The following NDUFAF3 variants were observed in gnomAD, a reference collection of about 807,000 sequenced individuals.
The protein encoded by NDUFAF3 is NADH:ubiquinone oxidoreductase complex assembly factor 3.
Under a neutral mutation model 22.6 loss-of-function variants are expected in NDUFAF3, and 21 were observed. The observed-to-expected ratio is 0.93, with a 90% CI of 0.66 to 1.34. The LOEUF (loss-of-function observed/expected upper bound fraction) is 1.34, where lower values mean the gene tolerates loss of function less well. Among genes scored for constraint, NDUFAF3 ranks in the 40% most tolerant of loss-of-function variants. The pLI is 0.00. For synonymous variants in NDUFAF3, 113 were observed against 104.9 expected, an observed-to-expected ratio of 1.08 and a Z score of -0.47; for missense variants, 251 against 248.4, an observed-to-expected ratio of 1.01 and a Z score of -0.07.
Position 49,022,494 on chromosome 3 carries a change from C to A in NDUFAF3, c.226C>A (p.Leu76Ile). Residue 76 changes from leucine to isoleucine, a missense_variant, in exon 2 of 5, where the codon CTC becomes ATC. Transcript: ENST00000326925. The surrounding 1 kb of genome is among the most constrained non-coding windows in gnomAD (Gnocchi z 6.6). ...RGFMINGNRVLGPCALLPHSV... is the reference protein window; with the variant it reads ...RGFMINGNRVIGPCALLPHSV... ...CTTCATGATAAACGGAAACCGCGTG[C>A]TCGGCCCCTGCGCTCTGCTCCCGCA... The A allele has an allele frequency of 6.2e-7, 1 of 1,613,136 alleles. No individual in the cohort carries two copies. The highest frequency in any genetic ancestry group is 1.1e-5 in the South Asian group (1 of 91,072).
At chr3:49,021,642 G>C (rs774579592), upstream of NDUFAF3, 4 of 166,694 alleles carry the variant, frequency 2.4e-5, no homozygotes, top group Non-Finnish European at 5.2e-5. The surrounding 1 kb of genome is among the most constrained non-coding windows in gnomAD (Gnocchi z 4.1). Flanking sequence ...GCGGGTGACG[G>C]TTAGGGCGGG....
upstream of NDUFAF3, chr3:49,020,826 A>G (rs2093149425): frequency 2.7e-6 from 1 of 363,774 alleles, no homozygotes; most frequent in African/African-American, 2.1e-5. Context: ...AACGGAGTCT[A>G]GAGGGAACAA....
rs758214752 is a variant in NDUFAF3 at position 49,022,921 on chromosome 3, C to T, written c.383C>T (p.Ser128Phe). ...GGAGACCGGACCGAGAGGCTGCAGT[C>T]CCAGGTGCTTCAAGCCATGAGGCAG... is the stretch of plus-strand genomic sequence containing the variant. ...GTGDRTERLQ[S>F]QVLQAMRQRG... is the part of the protein sequence containing the mutation. The change falls in exon 4 of 5, where the codon TCC becomes TTC. Residue 128 changes from serine (S) to phenylalanine (F), a missense_variant. Coordinates refer to ENST00000326925, the MANE Select transcript of NDUFAF3 (RefSeq NM_199069.2). The surrounding 1 kb of genome is among the most constrained non-coding windows in gnomAD (Gnocchi z 6.6). 2 of 1,613,998 alleles carry T rather than the reference C, an allele frequency of 1.2e-6. No individual in the cohort carries two copies. The highest frequency in any genetic ancestry group is 1.1e-5 in the South Asian group (1 of 91,074).
Position 49,022,642 on chromosome 3 carries a change from A to G in NDUFAF3, c.271-60A>G. 1 of 1,611,958 alleles carries G rather than the reference A, an allele frequency of 6.2e-7. No homozygotes were observed. Among genetic ancestry groups the G allele is most frequent in the African/African-American group, 1.3e-5 (1 of 74,948 alleles). ...TTTCCTCTGTCTCCTCCTGCAGTGG[A>G]TGGAGATGGGGAGAGGCTGCGTGGA... On this transcript the variant is annotated intron_variant, in intron 2 of 4. Coordinates refer to ENST00000326925, the MANE Select transcript of NDUFAF3 (RefSeq NM_199069.2). This position sits in a 1 kb window ranked among gnomAD's most constrained non-coding sequence, Gnocchi z 6.6.
At position 49,022,546 on chromosome 3, in the gene NDUFAF3, C is replaced by A; in HGVS notation, c.270+8C>A. 3 of 1,613,370 alleles carry A rather than the reference C, an allele frequency of 1.9e-6. No individual in the cohort carries two copies. The highest frequency in any genetic ancestry group is 2.5e-6 in the Non-Finnish European group (3 of 1,179,938). ...TCGGTGGTGCAGTGGAACGTGAGTC[C>A]TGGCCCGCAGTGTGGAAACTGAGGC... is the stretch of plus-strand genomic sequence containing the variant. On this transcript the variant is annotated splice_region_variant and intron_variant, in intron 2 of 4. Transcript: ENST00000326925. This position sits in a 1 kb window ranked among gnomAD's most constrained non-coding sequence, Gnocchi z 6.6.
rs751091191 is a variant in NDUFAF3, at chr3:49,022,719, C to T, written c.288C>T (p.Asp96=). 3 of 1,614,118 alleles carry T rather than the reference C, an allele frequency of 1.9e-6. No individual in the cohort carries two copies. Among genetic ancestry groups the T allele is most frequent in the Non-Finnish European group, 2.5e-6 (3 of 1,180,036 alleles). The change falls in exon 3 of 5, where the codon GAC becomes GAT. Residue 96 remains aspartate, a synonymous_variant. Transcript: ENST00000326925. This position sits in a 1 kb window ranked among gnomAD's most constrained non-coding sequence, Gnocchi z 6.6. The part of the protein sequence containing the change: ...VVQWNVGSHQ[D]ITEDSFSLFW... ...CTGCACAGGTGGGATCCCACCAGGA[C>T]ATCACCGAAGACAGCTTTTCCCTCT...
chr3:49,022,222 G>C lies in NDUFAF3; in HGVS notation c.77+1G>C. On this transcript the variant is annotated splice_donor_variant, in intron 1 of 4. Coordinates refer to ENST00000326925, the MANE Select transcript of NDUFAF3 (RefSeq NM_199069.2). LOFTEE classifies it high-confidence loss of function. The surrounding 1 kb of genome is among the most constrained non-coding windows in gnomAD (Gnocchi z 6.6). Reference sequence around the variant, plus strand: ...GCTGTCCGCCCGTTGAGCTTCCCTGGTGAGCTTGGACCCCGCGCCCTCGAC... The same window carrying C: ...GCTGTCCGCCCGTTGAGCTTCCCTGCTGAGCTTGGACCCCGCGCCCTCGAC... 2 of 1,610,870 alleles carry C rather than the reference G, an allele frequency of 1.2e-6. No homozygotes were observed. The highest frequency in any genetic ancestry group is 1.7e-6 in the Non-Finnish European group (2 of 1,179,654).
At chr3:49,022,047 C>G, upstream of NDUFAF3, 1 of 1,319,630 alleles carries the variant, frequency 7.6e-7, no homozygotes, top group Non-Finnish European at 1.1e-6. The surrounding 1 kb of genome is among the most constrained non-coding windows in gnomAD (Gnocchi z 6.6). Flanking sequence ...CTCCGGGACG[C>G]AGGGGGCGCT....
In NDUFAF3 at chr3:49,022,943, G is replaced by A. The variant is rs2106774526; in HGVS notation, c.405G>A (p.Arg135=). The change falls in exon 4 of 5, where the codon AGG becomes AGA. Residue 135 remains arginine (R), a synonymous_variant. Coordinates refer to ENST00000326925, the MANE Select transcript of NDUFAF3 (RefSeq NM_199069.2). This position sits in a 1 kb window ranked among gnomAD's most constrained non-coding sequence, Gnocchi z 6.6. The part of the protein sequence containing the change: ...RLQSQVLQAM[R]QRGIAVEVQD... ...AGTCCCAGGTGCTTCAAGCCATGAGGCAGCGGGGCATTGCTGTGGAAGTGC... is the reference window on the plus strand; with the variant it reads ...AGTCCCAGGTGCTTCAAGCCATGAGACAGCGGGGCATTGCTGTGGAAGTGC... 1 of 1,614,126 alleles carries A rather than the reference G, an allele frequency of 6.2e-7. No homozygotes were observed. The highest frequency in any genetic ancestry group is 8.5e-7 in the Non-Finnish European group (1 of 1,180,034).
At position 49,023,189 on chromosome 3, in the gene NDUFAF3, C is replaced by T; in HGVS notation, c.*17C>T. The T allele has an allele frequency of 6.4e-7, 1 of 1,574,788 alleles. No homozygotes were observed. The highest frequency in any genetic ancestry group is 8.7e-7 in the Non-Finnish European group (1 of 1,144,638). On this transcript the variant is annotated 3_prime_UTR_variant, in exon 5 of 5. Transcript: ENST00000326925. The stretch of plus-strand genomic sequence containing the variant: ...GCTCAATGAACCGCCAGGAACTGAC[C>T]TGCTGACTGCACTCTGCCAGGCTTC...
Position 49,022,733 on chromosome 3 carries a change from G to C in NDUFAF3, c.302G>C (p.Ser101Thr). 6.2e-7 allele frequency: 1 copy of C among 1,614,084 alleles called. No homozygotes were observed. Among genetic ancestry groups the C allele is most frequent in the Non-Finnish European group, 8.5e-7 (1 of 1,180,030 alleles). The change falls in exon 3 of 5, where the codon AGC (serine) becomes ACC (threonine). Residue 101 changes from serine (S) to threonine (T), a missense_variant. Physicochemically the swap from Ser to Thr is moderately conservative, Grantham distance 58 (BLOSUM62 1). Transcript: ENST00000326925. The surrounding 1 kb of genome is among the most constrained non-coding windows in gnomAD (Gnocchi z 6.6). Reference protein sequence around the residue: ...VGSHQDITEDSFSLFWLLEPR... With the variant: ...VGSHQDITEDTFSLFWLLEPR... ...TCCCACCAGGACATCACCGAAGACA[G>C]CTTTTCCCTCTTCTGGTTGCTGGAG...
In NDUFAF3 at chr3:49,022,565, CTG is replaced by C. The variant is rs1448513243; in HGVS notation, c.270+28_270+29del. The C allele has an allele frequency of 6.2e-7, 1 of 1,613,508 alleles. No individual in the cohort carries two copies. Among genetic ancestry groups the C allele is most frequent in the Non-Finnish European group, 8.5e-7 (1 of 1,179,950 alleles). On this transcript the variant is annotated intron_variant, in intron 2 of 4. Transcript: ENST00000326925. The surrounding 1 kb of genome is among the most constrained non-coding windows in gnomAD (Gnocchi z 6.6). The stretch of plus-strand genomic sequence containing the variant: ...TGAGTCCTGGCCCGCAGTGTGGAAA[CTG>C]AGGCCCAGAGTCACAGGCCCTCACC...
chr3:49,023,136 G>T lies in NDUFAF3; in HGVS notation c.519G>T (p.Gly173=). 1.2e-6 allele frequency: 2 copies of T among 1,614,130 alleles called. No individual in the cohort carries two copies. The highest frequency in any genetic ancestry group is 1.7e-6 in the Non-Finnish European group (2 of 1,180,022). The stretch of plus-strand genomic sequence containing the variant: ...CTGCTCTCATCCCTCCACCAGGAGG[G>T]ACTTCACTTACATCTTTGGGCCAAG... ...TGAALIPPPG[G]TSLTSLGQAA... is the part of the protein sequence containing the mutation. Residue 173 remains glycine, a synonymous_variant, in exon 5 of 5, where the codon GGG becomes GGT. Transcript: ENST00000326925.
In NDUFAF3 at chr3:49,022,335, T is replaced by A. The variant is rs1236087165; in HGVS notation, c.78-11T>A. The A allele has an allele frequency of 1.2e-6, 2 of 1,610,320 alleles. No homozygotes were observed. Among genetic ancestry groups the A allele is most frequent in the African/African-American group, 2.7e-5 (2 of 74,708 alleles). ...GCCCGGCCCCGCGCCCCTGACCCTTTCCCTCCGCAGGGCCCCGCGGCGAGG... is the reference window on the plus strand; with the variant it reads ...GCCCGGCCCCGCGCCCCTGACCCTTACCCTCCGCAGGGCCCCGCGGCGAGG... On this transcript the variant is annotated splice_polypyrimidine_tract_variant and intron_variant, in intron 1 of 4. Transcript: ENST00000326925. This position sits in a 1 kb window ranked among gnomAD's most constrained non-coding sequence, Gnocchi z 6.6.
rs1289259696 is a variant in NDUFAF3, at chr3:49,022,894, C to T, written c.356C>T (p.Thr119Ile). 1 of 1,614,048 alleles carries T rather than the reference C, an allele frequency of 6.2e-7. No individual in the cohort carries two copies. Among genetic ancestry groups the T allele is most frequent in the South Asian group, 1.1e-5 (1 of 91,090 alleles). Residue 119 changes from threonine (T) to isoleucine (I), a missense_variant, in exon 4 of 5, where the codon ACT becomes ATT. By Grantham distance (89) the Thr-to-Ile change is moderately conservative (BLOSUM62 -1). Coordinates refer to ENST00000326925, the MANE Select transcript of NDUFAF3 (RefSeq NM_199069.2). The surrounding 1 kb of genome is among the most constrained non-coding windows in gnomAD (Gnocchi z 6.6). ...TCCCTAGAGATCGTGGTGGTGGGGA[C>T]TGGAGACCGGACCGAGAGGCTGCAG... ...EPRIEIVVVG[T>I]GDRTERLQSQ... is the part of the protein sequence containing the mutation.
upstream of NDUFAF3, chr3:49,021,992 G>C (rs544875696): frequency 1.0e-5 from 8 of 787,890 alleles, no homozygotes; most frequent in African/African-American, 1.4e-4. This position sits in a 1 kb window ranked among gnomAD's most constrained non-coding sequence, Gnocchi z 4.1. Flanking sequence ...GGCCTCCTAA[G>C]ACTGAGGACA....
rs554862207 is a variant in NDUFAF3, at chr3:49,022,776, G to A, written c.337+8G>A. On this transcript the variant is annotated splice_region_variant and intron_variant, in intron 3 of 4. Transcript: ENST00000326925. The surrounding 1 kb of genome is among the most constrained non-coding windows in gnomAD (Gnocchi z 6.6). ...TGCTGGAGCCCCGGATAGGTACTGG[G>A]GAAGGGGAGGGAGAACAGAGGTGTT... 20 of 1,613,986 alleles carry A rather than the reference G, an allele frequency of 1.2e-5. No individual in the cohort carries two copies. In the East Asian group the frequency reaches 3.1e-4, roughly 25 times the overall value.
chr3:49,021,459 C>A (rs1274582251), upstream of NDUFAF3: 2 of 153,340 alleles, frequency 1.3e-5, no homozygotes, highest in Non-Finnish European at 2.9e-5. The surrounding 1 kb of genome is among the most constrained non-coding windows in gnomAD (Gnocchi z 4.1). Flanking sequence ...CTGGGCCAGC[C>A]GAACAGCCAC....
Position 49,022,315 on chromosome 3 carries a change from G to T in NDUFAF3, c.78-31G>T, listed in dbSNP as rs781688540. The T allele has an allele frequency of 6.2e-7, 1 of 1,607,470 alleles. No individual in the cohort carries two copies. The highest frequency in any genetic ancestry group is 1.7e-5 in the Admixed American group (1 of 59,844). ...CCGGCCTCTCGGGCTGCCCGGCCCG[G>T]CCCCGCGCCCCTGACCCTTTCCCTC... On this transcript the variant is annotated intron_variant, in intron 1 of 4. Transcript: ENST00000326925. The surrounding 1 kb of genome is among the most constrained non-coding windows in gnomAD (Gnocchi z 6.6).
Sources: gnomAD v4.1 joint callset for allele counts on GRCh38, gnomAD v4.1.1 for gene constraint, Gnocchi (gnomAD v3.1) non-coding constraint, MANE v1.5 for transcripts, NCBI Gene and HGNC (gene_info 2026-07-23, HGNC 2026-07-21) for gene names.